Variants in BBS9 observed in about 807,000 individuals in gnomAD.
The protein encoded by BBS9 is protein PTHB1.
Under a neutral mutation model 117.7 loss-of-function variants are expected in BBS9, and 89 were observed. The observed-to-expected ratio is 0.76, with a 90% confidence interval of 0.64 to 0.90. The LOEUF (loss-of-function observed/expected upper bound fraction) is 0.90, where lower values mean the gene tolerates loss of function less well. BBS9 is among the 40% of genes least tolerant of loss of function. The pLI, the probability that BBS9 is intolerant of heterozygous loss-of-function variation, is 0.00. For synonymous variants in BBS9, 379 were observed against 370.9 expected, an observed-to-expected ratio of 1.02 and a Z score of -0.25; for missense variants, 982 against 1,042.2, an observed-to-expected ratio of 0.94 and a Z score of 0.80.
chr7:33,171,419 T>C (rs890990995), intron 4 of BBS9, among the ~76,000 whole-genome samples: 6 of 152,208 alleles, frequency 3.9e-5, no homozygotes, highest in Non-Finnish European at 4.4e-5. Context: ...AGCTGAAACA[T>C]ATCTTGCTTT....
intron 5 of BBS9, among the ~76,000 whole-genome samples, chr7:33,233,763 A>G (rs1583783053): frequency 6.6e-6 from 1 of 152,040 alleles, no homozygotes; most frequent in African/African-American, 2.4e-5. Flanking sequence ...TGAAATTTCT[A>G]TTTCTTTCCA....
At chr7:33,161,929 G>A (rs1794924524) in intron 4 of BBS9, among the ~76,000 whole-genome samples, 2 of 152,204 alleles carry the variant, frequency 1.3e-5, no homozygotes, top group Non-Finnish European at 2.9e-5. Flanking sequence ...CTTTTGAGAA[G>A]TGTCTGTTCA....
chr7:33,449,874 A>G (rs373881998), intron 19 of BBS9, among the ~76,000 whole-genome samples: 7 of 152,320 alleles, frequency 4.6e-5, no homozygotes, highest in African/African-American at 4.8e-5. Flanking sequence ...ATATTAAAAA[A>G]GACACACACG....
intron 19 of BBS9, among the ~76,000 whole-genome samples, chr7:33,404,071 G>A (rs1374858723): frequency 6.6e-6 from 1 of 152,132 alleles, no homozygotes; most frequent in East Asian, 1.9e-4. Flanking sequence ...TGGCTAGCCA[G>A]TTTTCCCAGC....
intron 9 of BBS9, among the ~76,000 whole-genome samples, chr7:33,292,684 T>G (rs1356330246): frequency 6.6e-6 from 1 of 152,162 alleles, no homozygotes; most frequent in Admixed American, 6.5e-5. Context: ...GCTATGCTGA[T>G]AAGTATGCCT....
rs1233801109 is a variant in BBS9 at position 33,357,977 on chromosome 7, C to G, written c.1675C>G (p.Leu559Val). The change falls in exon 16 of 23, where the codon CTT becomes GTT. Residue 559 changes from leucine (L) to valine (V), a missense_variant. Coordinates refer to ENST00000242067, the MANE Select transcript of BBS9 (RefSeq NM_198428.3). ...TGATACCAACAAATCTCCAGTCAGTCTTCTTAGTCTCTTCCCAGGTAAGAC... is the reference window on the plus strand; with the variant it reads ...TGATACCAACAAATCTCCAGTCAGTGTTCTTAGTCTCTTCCCAGGTAAGAC... ...TIDTNKSPVSLLSLFPGFASQ... is the reference protein window; with the variant it reads ...TIDTNKSPVSVLSLFPGFASQ... 3 of 1,612,308 alleles carry G rather than the reference C, an allele frequency of 1.9e-6. No individual in the cohort carries two copies. The highest frequency in any genetic ancestry group is 2.5e-6 in the Non-Finnish European group (3 of 1,178,802).
At chr7:33,526,182 T>C (rs1849469534) in intron 20 of BBS9, among the ~76,000 whole-genome samples, 1 of 151,988 alleles carries the variant, frequency 6.6e-6, no homozygotes, top group Admixed American at 6.6e-5. Context: ...GCCCTTAACA[T>C]TTTTTCCTAC....
At chr7:33,585,040 T>C (rs74458102) in intron 21 of BBS9, among the ~76,000 whole-genome samples, 535 of 152,262 alleles carry the variant, frequency 3.5e-3, no homozygotes, top group Non-Finnish European at 4.7e-3. Context: ...ATTTTCCACT[T>C]TATTATTTTA....
intron 9 of BBS9, among the ~76,000 whole-genome samples, chr7:33,332,913 G>T (rs1814433547): frequency 6.6e-6 from 1 of 151,824 alleles, no homozygotes; most frequent in Non-Finnish European, 1.5e-5. Flanking sequence ...TGTGGCATTA[G>T]GTACATTCAT....
intron 19 of BBS9, among the ~76,000 whole-genome samples, chr7:33,406,422 T>C (rs1441044080): frequency 6.6e-6 from 1 of 152,180 alleles, no homozygotes; most frequent in African/African-American, 2.4e-5. Flanking sequence ...TTGGAGCATT[T>C]AGTCCATTTA....
intron 12 of BBS9, among the ~76,000 whole-genome samples, chr7:33,347,717 A>G (rs1328950477): frequency 6.6e-6 from 1 of 151,652 alleles, no homozygotes; most frequent in East Asian, 1.9e-4. Context: ...GGCCACTTGT[A>G]TATTCTTGTA....
chr7:33,396,328 G>T (rs1481296966), intron 19 of BBS9, among the ~76,000 whole-genome samples: 1 of 151,864 alleles, frequency 6.6e-6, no homozygotes, highest in African/African-American at 2.4e-5. Flanking sequence ...TATCATTATT[G>T]TGTTTCATTA....
chr7:33,281,918 A>C (rs183355326), intron 9 of BBS9, among the ~76,000 whole-genome samples: 1 of 152,056 alleles, frequency 6.6e-6, no homozygotes, highest in Admixed American at 6.5e-5. Context: ...GGGCGCAAGC[A>C]ATCCTCCCAC....
intron 18 of BBS9, among the ~76,000 whole-genome samples, chr7:33,384,983 T>C (rs1242803469): frequency 6.6e-6 from 1 of 151,906 alleles, no homozygotes. Flanking sequence ...TCTGTAAGAG[T>C]ATGTTTAGGT....
intron 17 of BBS9, among the ~76,000 whole-genome samples, chr7:33,376,033 TAAAA>T: frequency 6.6e-6 from 1 of 152,276 alleles, no homozygotes; most frequent in South Asian, 2.1e-4. Flanking sequence ...AGTTTTACAT[TAAAA>T]AAACTTTTAG....
intron 11 of BBS9, among the ~76,000 whole-genome samples, chr7:33,342,424 T>C (rs561512721): frequency 6.6e-6 from 1 of 152,292 alleles, no homozygotes; most frequent in African/African-American, 2.4e-5. Flanking sequence ...TATAAGTTTT[T>C]CTAGGTTCTC....
At chr7:33,311,259 G>A (rs1481690723) in intron 9 of BBS9, among the ~76,000 whole-genome samples, 1 of 152,170 alleles carries the variant, frequency 6.6e-6, no homozygotes, top group East Asian at 1.9e-4. Flanking sequence ...GTGATGAGAG[G>A]AGGCTGCTGA....
intron 9 of BBS9, among the ~76,000 whole-genome samples, chr7:33,328,597 T>C (rs867077650): frequency 2.0e-5 from 3 of 152,280 alleles, no homozygotes; most frequent in South Asian, 4.1e-4. Context: ...ATAAATACTA[T>C]TTAGGGTTTT....
chr7:33,581,242 A>G (rs922323132), intron 21 of BBS9, among the ~76,000 whole-genome samples: 1 of 152,136 alleles, frequency 6.6e-6, no homozygotes, highest in African/African-American at 2.4e-5. Context: ...TTCAAAAATA[A>G]GTAGTTTTTC....
Sources: gnomAD v4.1 joint callset for allele counts (sites outside exome capture counted in the v4.1 genomes callset) on GRCh38, gnomAD v4.1.1 for gene constraint, MANE v1.5 for transcripts, NCBI Gene and HGNC (gene_info 2026-07-23, HGNC 2026-07-21) for gene names.